Variants in GPC5 observed in about 807,000 individuals in gnomAD.
GPC5 encodes the protein glypican 5.
Under a neutral mutation model 53.9 loss-of-function variants are expected in GPC5, and 47 were observed. The ratio of observed to expected loss-of-function variants is 0.87; its 90% CI spans 0.69 to 1.11. The LOEUF is 1.11. Among genes scored for constraint, GPC5 ranks in the 50% most tolerant of loss-of-function variants. The pLI is 0.00. For synonymous variants in GPC5, 286 were observed against 263.3 expected, an observed-to-expected ratio of 1.09 and a Z score of -0.84; for missense variants, 748 against 713.1, an observed-to-expected ratio of 1.05 and a Z score of -0.56.
At chr13:92,574,747 A>T (rs2139045200) in intron 7 of GPC5, among the ~76,000 whole-genome samples, 2 of 152,294 alleles carry the variant, frequency 1.3e-5, no homozygotes, top group East Asian at 3.9e-4. Flanking sequence ...TGAGCAGGAG[A>T]GCAGCTGAGA....
At chr13:92,526,164 G>T (rs987290298) in intron 7 of GPC5, among the ~76,000 whole-genome samples, 1 of 152,038 alleles carries the variant, frequency 6.6e-6, no homozygotes, top group Non-Finnish European at 1.5e-5. Context: ...TGTGGTCCAG[G>T]TATTGTTCCA....
At position 92,843,216 on chromosome 13, in the gene GPC5, T is replaced by C. The variant is rs1393985118; in HGVS notation, c.1562-23066T>C. 3.3e-5 allele frequency among the ~76,000 whole-genome samples: 5 copies of C among 152,336 alleles called. 1 individual carries two copies. The East Asian group carries it at 7.7e-4, about 23-fold the overall frequency. ...CTTTTCAATCTCTTAACCACCCCAATTTGTATCAATCATGAACTTTACTTC... is the reference window on the plus strand; with the variant it reads ...CTTTTCAATCTCTTAACCACCCCAACTTGTATCAATCATGAACTTTACTTC... On this transcript the variant is annotated intron_variant, in intron 7 of 7. Transcript: ENST00000377067.
At position 92,127,297 on chromosome 13, in the gene GPC5, A is replaced by G. The variant is rs368826518; in HGVS notation, c.1402-17533A>G. ...TATGTGTATATATATATGTGTGTAT[A>G]TATGTATATATGTGTATATATATGT... On this transcript the variant is annotated intron_variant, in intron 6 of 7. Transcript: ENST00000377067. 6.7e-4 allele frequency among the ~76,000 whole-genome samples: 101 copies of G among 151,862 alleles called. 1 individual carries two copies. In the South Asian group the frequency reaches 0.02, roughly 30 times the overall value.
At chr13:91,507,188 A>T (rs1415461715) in intron 2 of GPC5, among the ~76,000 whole-genome samples, 1 of 152,050 alleles carries the variant, frequency 6.6e-6, no homozygotes, top group African/African-American at 2.4e-5. Context: ...GATTTGGTGT[A>T]CGGTAAGGGC....
chr13:92,154,039 G>A (rs2041925624), intron 7 of GPC5, among the ~76,000 whole-genome samples: 1 of 152,196 alleles, frequency 6.6e-6, no homozygotes, highest in Admixed American at 6.5e-5. Flanking sequence ...TGCAGGCTGT[G>A]TGAGAAGCCT....
At chr13:91,488,454 A>G (rs2139243288) in intron 2 of GPC5, among the ~76,000 whole-genome samples, 1 of 152,216 alleles carries the variant, frequency 6.6e-6, no homozygotes, top group East Asian at 1.9e-4. Context: ...GACCGCCTGA[A>G]GCCATGGCAG....
At chr13:92,203,053 C>A (rs1033757767) in intron 7 of GPC5, among the ~76,000 whole-genome samples, 2 of 152,134 alleles carry the variant, frequency 1.3e-5, no homozygotes, top group African/African-American at 4.8e-5. Flanking sequence ...TAAATATTCA[C>A]CCCCATAGAA....
At chr13:92,205,422 A>G (rs1593993769) in intron 7 of GPC5, among the ~76,000 whole-genome samples, 1 of 152,138 alleles carries the variant, frequency 6.6e-6, no homozygotes, top group East Asian at 1.9e-4. Context: ...ACCAGGAGTC[A>G]CCTCATTAGC....
chr13:92,465,274 G>A (rs146459737), intron 7 of GPC5, among the ~76,000 whole-genome samples: 201 of 151,974 alleles, frequency 1.3e-3, no homozygotes, highest in African/African-American at 4.6e-3. Context: ...AAATATAGAA[G>A]CATTTTATGC....
chr13:92,048,757 G>C (rs1378981901), intron 6 of GPC5, among the ~76,000 whole-genome samples: 2 of 152,074 alleles, frequency 1.3e-5, no homozygotes, highest in Non-Finnish European at 2.9e-5. Flanking sequence ...TTATCAGATT[G>C]TCTTTCATAT....
intron 7 of GPC5, among the ~76,000 whole-genome samples, chr13:92,702,371 T>TAAATTTCCAAAGTGAATTC (rs1887781297): frequency 6.6e-6 from 1 of 152,152 alleles, no homozygotes. Context: ...AACAGCATCT[T>TAAATTTCCAAAGTGAATTC]AAATTTCCAA....
intron 6 of GPC5, among the ~76,000 whole-genome samples, chr13:91,933,505 A>G (rs1425272873): frequency 1.3e-5 from 2 of 151,950 alleles, no homozygotes; most frequent in Non-Finnish European, 2.9e-5. Context: ...AGGTCTGGGT[A>G]TTTATACATA....
intron 7 of GPC5, among the ~76,000 whole-genome samples, chr13:92,756,992 A>C (rs1227820744): frequency 5.9e-5 from 9 of 152,108 alleles, no homozygotes; most frequent in African/African-American, 2.2e-4. Flanking sequence ...TTTAAAGTTC[A>C]TATGGAACCA....
At chr13:92,022,012 T>G (rs1340865088) in intron 6 of GPC5, among the ~76,000 whole-genome samples, 7 of 152,160 alleles carry the variant, frequency 4.6e-5, no homozygotes, top group Non-Finnish European at 7.3e-5. Context: ...ATTTATTTAT[T>G]TTTTTCAGAC....
At chr13:92,336,347 T>C (rs2043322871) in intron 7 of GPC5, among the ~76,000 whole-genome samples, 1 of 152,332 alleles carries the variant, frequency 6.6e-6, no homozygotes, top group East Asian at 1.9e-4. Context: ...GTGAATTAAA[T>C]ATATTTATGA....
intron 6 of GPC5, among the ~76,000 whole-genome samples, chr13:92,085,275 T>C (rs1320731944): frequency 2.0e-5 from 3 of 152,218 alleles, no homozygotes; most frequent in East Asian, 3.8e-4. Flanking sequence ...GTAAAGTTAC[T>C]GAAGTTGCAA....
intron 7 of GPC5, among the ~76,000 whole-genome samples, chr13:92,459,976 A>G (rs575811927): frequency 2.6e-5 from 4 of 152,268 alleles, no homozygotes; most frequent in African/African-American, 9.6e-5. Context: ...TCTTTACCAC[A>G]TAGCAAAATA....
chr13:92,757,477 A>T (rs1179088530), intron 7 of GPC5, among the ~76,000 whole-genome samples: 1 of 152,228 alleles, frequency 6.6e-6, no homozygotes, highest in Admixed American at 6.5e-5. Context: ...CAAAATTGAC[A>T]AATGGGATCT....
At chr13:91,435,854 T>C (rs1482641809) in intron 1 of GPC5, among the ~76,000 whole-genome samples, 1 of 152,226 alleles carries the variant, frequency 6.6e-6, no homozygotes, top group East Asian at 1.9e-4. Flanking sequence ...AATTATTGCC[T>C]GAATTTCAGA....
Sources: allele counts gnomAD v4.1 joint callset (sites outside exome capture counted in the v4.1 genomes callset), GRCh38; gene constraint gnomAD v4.1.1; transcripts MANE v1.5; gene names NCBI Gene and HGNC (gene_info 2026-07-23, HGNC 2026-07-21).